C1orf87: variants seen among roughly 807,000 people sequenced by gnomAD.
C1orf87 encodes the protein chromosome 1 open reading frame 87.
A neutral mutation model predicts 60.5 loss-of-function variants in C1orf87; 58 were observed. The observed-to-expected ratio is 0.96, with a 90% CI of 0.78 to 1.19. The LOEUF is 1.19. Ranked by LOEUF, C1orf87 falls within the 50% of genes most tolerant of loss-of-function variation. C1orf87 has a pLI of 0.00. For synonymous variants in C1orf87, 236 were observed against 227.4 expected (o/e 1.04, Z -0.34); for missense variants, 673 against 638.6 (o/e 1.05, Z -0.58).
At chr1:60,052,921 C>A (rs533471837) in intron 3 of C1orf87, among the ~76,000 whole-genome samples, 2 of 152,330 alleles carry the variant, frequency 1.3e-5, no homozygotes, top group South Asian at 4.1e-4. Context: ...TTAGTCGGTC[C>A]CCACACCTCC....
At chr1:60,033,121 T>A (rs1645250899) in intron 7 of C1orf87, among the ~76,000 whole-genome samples, 1 of 152,174 alleles carries the variant, frequency 6.6e-6, no homozygotes, top group South Asian at 2.1e-4. Context: ...TTGCTAAGGG[T>A]TGGGACACCA....
chr1:60,025,732 A>G (rs1281980028), intron 7 of C1orf87, among the ~76,000 whole-genome samples: 1 of 152,218 alleles, frequency 6.6e-6, no homozygotes, highest in Non-Finnish European at 1.5e-5. Context: ...ACACAGAGGT[A>G]TATTTCATTA....
chr1:60,063,999 G>A (rs1490237289), intron 2 of C1orf87, among the ~76,000 whole-genome samples: 1 of 151,942 alleles, frequency 6.6e-6, no homozygotes, highest in African/African-American at 2.4e-5. Context: ...AATCTGGGTG[G>A]CACCATCTAA....
chr1:60,073,293 A>C (rs559267658), intron 1 of C1orf87, among the ~76,000 whole-genome samples: 85 of 152,298 alleles, frequency 5.6e-4, no homozygotes, highest in Non-Finnish European at 5.4e-4. Flanking sequence ...ATGCCAAGGG[A>C]AAATCAGAAG....
At chr1:60,072,485 A>G in intron 2 of C1orf87, 52 bp downstream of exon 2, 1 of 1,392,770 alleles carries the variant, frequency 7.2e-7, no homozygotes, top group Non-Finnish European at 9.9e-7. Flanking sequence ...ACAAAACAAT[A>G]AAACTTCATT....
At chr1:60,019,955 GT>G (rs1324326314) in intron 8 of C1orf87, among the ~76,000 whole-genome samples, 1 of 152,190 alleles carries the variant, frequency 6.6e-6, no homozygotes, top group Non-Finnish European at 1.5e-5. Context: ...GAGCAAAAAA[GT>G]TTGGAAAATT....
At chr1:59,991,215 C>T (rs4915844) in intron 11 of C1orf87, among the ~76,000 whole-genome samples, 33,280 of 152,150 alleles carry the variant, frequency 0.22, 3,779 homozygotes, top group Middle Eastern at 0.37. Context: ...TTAAAGTCTC[C>T]AAACACATTC....
intron 7 of C1orf87, among the ~76,000 whole-genome samples, chr1:60,032,550 G>A (rs968191791): frequency 6.8e-6 from 1 of 146,808 alleles, no homozygotes; most frequent in African/African-American, 2.5e-5. Context: ...CAATTCTCCT[G>A]CCTCAGCCTC....
chr1:60,048,662 G>T (rs1645390916), intron 3 of C1orf87, among the ~76,000 whole-genome samples: 1 of 151,932 alleles, frequency 6.6e-6, no homozygotes, highest in Non-Finnish European at 1.5e-5. Flanking sequence ...GAGAAGTATG[G>T]TTTCTATTTT....
intron 2 of C1orf87, among the ~76,000 whole-genome samples, chr1:60,056,686 A>C (rs1053130518): frequency 6.6e-6 from 1 of 152,198 alleles, no homozygotes. Flanking sequence ...AGCGTATTAC[A>C]TTACACTCTA....
chr1:60,018,397 C>A (rs1645138191), intron 8 of C1orf87, among the ~76,000 whole-genome samples: 1 of 152,160 alleles, frequency 6.6e-6, no homozygotes, highest in Admixed American at 6.5e-5. Flanking sequence ...CTTCTCTGAT[C>A]TGCACAAAAA....
intron 9 of C1orf87, among the ~76,000 whole-genome samples, chr1:60,004,202 T>G (rs1371862348): frequency 1.3e-5 from 2 of 152,036 alleles, no homozygotes; most frequent in Admixed American, 6.6e-5. Flanking sequence ...CTAACCCTGA[T>G]TCTTCTCTTT....
At chr1:60,045,557 T>C (rs1645359737) in intron 3 of C1orf87, among the ~76,000 whole-genome samples, 1 of 152,226 alleles carries the variant, frequency 6.6e-6, no homozygotes, top group South Asian at 2.1e-4. Context: ...CAGGCTTCAG[T>C]GATCAACTGA....
Position 59,990,723 on chromosome 1 carries a change from C to T in C1orf87, c.1591G>A (p.Gly531Arg). ...IDQALRRFRS[G>R]ENMLLEPALR... The stretch of plus-strand genomic sequence containing the variant: ...GCTGGCTCCAAGAGCATATTTTCTC[C>T]CGAACGGAATCTGCGCAAGGCCTGG... The change falls in exon 12 of 12, where the codon GGA (glycine) becomes AGA (arginine). Residue 531 changes from glycine to arginine, a missense_variant. By Grantham distance (125) the Gly-to-Arg change is moderately radical. Coordinates refer to ENST00000371201, the MANE Select transcript of C1orf87 (RefSeq NM_152377.3). 1 of 1,614,028 alleles carries T rather than the reference C, an allele frequency of 6.2e-7. No individual in the cohort carries two copies. The highest frequency in any genetic ancestry group is 1.7e-4 in the Middle Eastern group (1 of 6,054).
intron 9 of C1orf87, among the ~76,000 whole-genome samples, chr1:60,006,927 T>G (rs554237750): frequency 1.3e-5 from 2 of 152,104 alleles, no homozygotes; most frequent in South Asian, 4.1e-4. Context: ...TACTTTTTTT[T>G]TTCTGACAGG....
intron 9 of C1orf87, among the ~76,000 whole-genome samples, chr1:60,009,130 G>C (rs1645065630): frequency 6.6e-6 from 1 of 152,102 alleles, no homozygotes. Flanking sequence ...ATGTAATCAA[G>C]TTAAGATGAA....
chr1:60,013,985 C>T (rs554834040), intron 8 of C1orf87, among the ~76,000 whole-genome samples: 1 of 152,258 alleles, frequency 6.6e-6, no homozygotes, highest in East Asian at 1.9e-4. Flanking sequence ...ATCTTCCTCT[C>T]CGTACTAACC....
chr1:60,055,614 G>A (rs1327918798), intron 2 of C1orf87, among the ~76,000 whole-genome samples, 176 bp from the exon 3 acceptor site: 1 of 152,178 alleles, frequency 6.6e-6, no homozygotes, highest in East Asian at 1.9e-4. Context: ...GAGAGAACAT[G>A]TTATTAATAT....
chr1:60,062,441 G>A (rs1033244896), intron 2 of C1orf87, among the ~76,000 whole-genome samples: 1 of 152,088 alleles, frequency 6.6e-6, no homozygotes, highest in Non-Finnish European at 1.5e-5. Flanking sequence ...CTTTCAATAA[G>A]TATACTTTAA....
Sources: allele counts gnomAD v4.1 joint callset (sites outside exome capture counted in the v4.1 genomes callset), GRCh38; gene constraint gnomAD v4.1.1; transcripts MANE v1.5; gene names NCBI Gene and HGNC (gene_info 2026-07-23, HGNC 2026-07-21).